Variants in KCNH2 observed in about 807,000 individuals in gnomAD.
KCNH2 encodes the protein voltage-gated inwardly rectifying potassium channel KCNH2.
In KCNH2, 35 loss-of-function variants were observed where a neutral mutation model predicts 95.9. The observed-to-expected ratio is 0.37, with a 90% CI of 0.28 to 0.48. The LOEUF is 0.48. KCNH2 is among the 20% of genes least tolerant of loss of function. KCNH2 has a pLI of 0.99. For synonymous variants in KCNH2, 786 were observed against 754.7 expected, an observed-to-expected ratio of 1.04 and a Z score of -0.68; for missense variants, 1,274 against 1,702.9, an observed-to-expected ratio of 0.75 and a Z score of 4.43.
At chr7:150,947,903 C>G in intron 11 of KCNH2, 25 bp from the exon 12 acceptor site, 1 of 1,528,664 alleles carries the variant, frequency 6.5e-7, no homozygotes, top group South Asian at 1.2e-5. Context: ...GAATGGGCCT[C>G]AGAGAGGGGA....
chr7:150,959,505 A>G, intron 3 of KCNH2, 67 bp downstream of exon 3: 1 of 1,578,066 alleles, frequency 6.3e-7, no homozygotes, highest in South Asian at 1.1e-5. Context: ...TTGACCTTGG[A>G]CAGCTCACAG....
chr7:150,974,620 C>CCCCCCCCCCCCCCCCCCCCCCT, intron 2 of KCNH2, 91 bp downstream of exon 2: 1 of 758,758 alleles, frequency 1.3e-6, no homozygotes, highest in Non-Finnish European at 2.0e-6. Context: ...CGCCCCCACA[C>CCCCCCCCCCCCCCCCCCCCCCT]CCCCACACCC....
At chr7:150,964,453 C>T (rs1304549303) in intron 2 of KCNH2, among the ~76,000 whole-genome samples, 2 of 152,168 alleles carry the variant, frequency 1.3e-5, no homozygotes, top group African/African-American at 4.8e-5. Flanking sequence ...GGAGCCGAGC[C>T]ACTCTACCCC....
chr7:150,957,568 G>C lies in KCNH2; in HGVS notation c.917-66C>G, dbSNP rs1206674657. On this transcript the variant is annotated intron_variant, in intron 4 of 14. Transcript: ENST00000262186. Reference sequence around the variant, plus strand: ...CCCCAGGCCAGGCAGGCCACCCATAGATCGAGAGTGGAGACCAGGCCCTGC... The same window carrying C: ...CCCCAGGCCAGGCAGGCCACCCATACATCGAGAGTGGAGACCAGGCCCTGC... 5 of 1,201,408 alleles carry C rather than the reference G, an allele frequency of 4.2e-6. 1 individual carries two copies. The Middle Eastern group carries it at 1.1e-3, about 253-fold the overall frequency. 74.4% of individuals were successfully genotyped at this position (1,201,408 alleles called of 1,614,324 possible). A position where few individuals can be genotyped will look rare whatever the true frequency, so the allele number is the denominator to read the frequency against.
At position 150,956,590 on chromosome 7, in the gene KCNH2, C is replaced by T. The variant is rs574717161; in HGVS notation, c.1128+701G>A. Among the ~76,000 whole-genome samples the T allele has an allele frequency of 2.0e-3, 300 of 152,304 alleles. 1 individual carries two copies. Among genetic ancestry groups the T allele is most frequent in the African/African-American group, 6.9e-3 (288 of 41,554 alleles). On this transcript the variant is annotated intron_variant, in intron 5 of 14. Transcript: ENST00000262186. ...GGTCCTCTTGCTGCCAGGAGGACCC[C>T]AAACCCAGGAGGGGACAGAAGACCA... is the stretch of plus-strand genomic sequence containing the variant.
chr7:150,957,393 G>A lies in KCNH2; in HGVS notation c.1026C>T (p.Asp342=), dbSNP rs1354150388. The change falls in exon 5 of 15, where the codon GAC becomes GAT. Residue 342 remains aspartate (D), a synonymous_variant. Transcript: ENST00000262186. ...KIPQITLNFV[D]LKGDPFLASP... ...AAGCCAAGAAGGGGTCGCCCTTGAG[G>A]TCCACAAAGTTGAGGGTGATTTGGG... 1 of 1,614,212 alleles carries A rather than the reference G, an allele frequency of 6.2e-7. No individual in the cohort carries two copies. The highest frequency in any genetic ancestry group is 1.7e-5 in the Admixed American group (1 of 60,030).
At chr7:150,963,371 C>G (rs1162436544) in intron 2 of KCNH2, among the ~76,000 whole-genome samples, 1 of 152,172 alleles carries the variant, frequency 6.6e-6, no homozygotes, top group Non-Finnish European at 1.5e-5. Flanking sequence ...CGCTCATCTG[C>G]AACACAGGGT....
chr7:150,947,767 G>T lies in KCNH2; in HGVS notation c.2804C>A (p.Pro935His). 5 of 1,540,570 alleles carry T rather than the reference G, an allele frequency of 3.2e-6. No homozygotes were observed. The highest frequency in any genetic ancestry group is 4.4e-6 in the Non-Finnish European group (5 of 1,146,870). ...ATCCTCACTGCTCTCAGGGCTGGAGGGGCCACTGGACGGGCTCTCCCCCCA... is the reference window on the plus strand; with the variant it reads ...ATCCTCACTGCTCTCAGGGCTGGAGTGGCCACTGGACGGGCTCTCCCCCCA... ...GPWGESPSSG[P>H]SSPESSEDEG... Residue 935 changes from proline to histidine, a missense_variant, in exon 12 of 15, where the codon CCC (proline) becomes CAC (histidine). By Grantham distance (77) the Pro-to-His change is moderately conservative. Transcript: ENST00000262186.
At chr7:150,956,322 C>T (rs956270937) in intron 5 of KCNH2, among the ~76,000 whole-genome samples, 3 of 152,110 alleles carry the variant, frequency 2.0e-5, no homozygotes, top group African/African-American at 7.2e-5. Context: ...TGGCAGGGAC[C>T]CAGAAAGCCA....
At position 150,947,326 on chromosome 7, in the gene KCNH2, A is replaced by G. The variant is rs1057518169; in HGVS notation, c.3152+2T>C. 6.5e-7 allele frequency: 1 copy of G among 1,539,770 alleles called. No individual in the cohort carries two copies. Among genetic ancestry groups the G allele is most frequent in the Admixed American group, 2.0e-5 (1 of 50,902 alleles). On this transcript the variant is annotated splice_donor_variant, in intron 13 of 14. Coordinates refer to ENST00000262186, the MANE Select transcript of KCNH2 (RefSeq NM_000238.4). LOFTEE classifies it high-confidence loss of function. ...CCCCCCACCCCACCTGCACTCCCTC[A>G]CCTGTTGAGCTGGCGCTGGAGGGCA...
intron 2 of KCNH2, among the ~76,000 whole-genome samples, chr7:150,966,586 TA>T (rs544042847): frequency 6.6e-6 from 1 of 151,878 alleles, no homozygotes; most frequent in African/African-American, 2.4e-5. Context: ...AATCAACAGA[TA>T]AACAATTAGA....
chr7:150,974,750 C>T lies in KCNH2; in HGVS notation c.268G>A (p.Glu90Lys), dbSNP rs777810074. 3 of 1,605,978 alleles carry T rather than the reference C, an allele frequency of 1.9e-6. No individual in the cohort carries two copies. The highest frequency in any genetic ancestry group is 3.4e-5 in the Admixed American group (2 of 59,488). Residue 90 changes from glutamate (E) to lysine (K), a missense_variant, in exon 2 of 15, where the codon GAG (glutamate) becomes AAG (lysine). By Grantham distance (56) the Glu-to-Lys change is moderately conservative (BLOSUM62 1). Coordinates refer to ENST00000262186, the MANE Select transcript of KCNH2 (RefSeq NM_000238.4). ...AQIAQALLGA[E>K]ERKVEIAFYR... ...AAGGCGATTTCCACTTTGCGCTCCT[C>T]GGCGCCCAGCAGTGCCTGCGCGATC...
chr7:150,948,407 T>TA, intron 11 of KCNH2, 37 bp downstream of exon 11: 9 of 1,219,254 alleles, frequency 7.4e-6, no homozygotes, highest in East Asian at 2.6e-5. Context: ...CCTCACCTTG[T>TA]CCCCGCCCTC....
chr7:150,975,338 C>T (rs148209545), intron 1 of KCNH2, among the ~76,000 whole-genome samples: 118 of 152,308 alleles, frequency 7.7e-4, no homozygotes, highest in African/African-American at 2.7e-3. Flanking sequence ...AGATGGCGGC[C>T]AGGATTCCCT....
Position 150,974,745 on chromosome 7 carries a change from C to G in KCNH2, c.273G>C (p.Glu91Asp). The change falls in exon 2 of 15, where the codon GAG (glutamate) becomes GAC (aspartate). Residue 91 changes from glutamate (E) to aspartate (D), a missense_variant. Transcript: ENST00000262186. ...GGTAGAAGGCGATTTCCACTTTGCG[C>G]TCCTCGGCGCCCAGCAGTGCCTGCG... The part of the protein sequence containing the change: ...QIAQALLGAE[E>D]RKVEIAFYRK... The G allele has an allele frequency of 6.2e-7, 1 of 1,605,506 alleles. No homozygotes were observed.
At chr7:150,957,547 A>G (rs778388356) in intron 4 of KCNH2, 45 bp from the exon 5 acceptor site, 4 of 1,396,466 alleles carry the variant, frequency 2.9e-6, no homozygotes, top group Non-Finnish European at 4.1e-6. Context: ...CCAGGGCCCC[A>G]GGCCAGGCAG....
rs772094886 is a variant in KCNH2 at position 150,947,469 on chromosome 7, C to A, written c.3011G>T (p.Ser1004Ile). The A allele has an allele frequency of 1.9e-6, 3 of 1,575,342 alleles. 1 individual carries two copies. The South Asian group carries it at 3.5e-5, about 18-fold the overall frequency. Residue 1004 changes from serine (S) to isoleucine (I), a missense_variant, in exon 13 of 15, where the codon AGT (serine) becomes ATT (isoleucine). Physicochemically the swap from Ser to Ile is moderately radical, Grantham distance 142. This residue lies in a region of KCNH2 where 457 missense variants were observed against 416.1 expected (regional missense o/e 1.10). Transcript: ENST00000262186. ...GAGCTCCTGGTACTGGCGGCCCCGA[C>A]TGTCCCCCCAGAAGCTGAAAATGTT... Reference protein sequence around the residue: ...VSNIFSFWGDSRGRQYQELPR... With the variant: ...VSNIFSFWGDIRGRQYQELPR...
intron 3 of KCNH2, among the ~76,000 whole-genome samples, chr7:150,959,160 G>C (rs914658254): frequency 2.0e-5 from 3 of 152,210 alleles, no homozygotes; most frequent in African/African-American, 7.2e-5. Flanking sequence ...GCAGATGAAA[G>C]AAACTACACA....
chr7:150,948,805 C>T, intron 10 of KCNH2, 51 bp downstream of exon 10: 1 of 1,534,614 alleles, frequency 6.5e-7, no homozygotes, highest in Non-Finnish European at 9.0e-7. Context: ...AAGGGGCAGC[C>T]ACACAGCTGG....
Sources: gnomAD v4.1 joint callset for allele counts (sites outside exome capture counted in the v4.1 genomes callset) on GRCh38, gnomAD v4.1.1 for gene constraint, gnomAD v4.1.1 regional missense constraint, MANE v1.5 for transcripts, NCBI Gene and HGNC (gene_info 2026-07-23, HGNC 2026-07-21) for gene names.